ANTXR2: variants seen among roughly 807,000 people sequenced by gnomAD.
ANTXR2 encodes anthrax toxin receptor 2.
Under a neutral mutation model 73.7 loss-of-function variants are expected in ANTXR2, and 44 were observed. The observed-to-expected ratio is 0.60, with a 90% confidence interval of 0.47 to 0.77. The LOEUF is 0.77. Ranked by LOEUF, ANTXR2 falls within the 30% of genes least tolerant of loss-of-function variation. ANTXR2 has a pLI of 0.00. For synonymous variants in ANTXR2, 217 were observed against 205.9 expected (o/e 1.05, Z -0.46); for missense variants, 604 against 592.5 (o/e 1.02, Z -0.20).
intron 16 of ANTXR2, among the ~76,000 whole-genome samples, chr4:79,925,457 A>C (rs1259335914): frequency 6.6e-6 from 1 of 152,104 alleles, no homozygotes; most frequent in Non-Finnish European, 1.5e-5. Flanking sequence ...ATATTGGTTA[A>C]AATGCTAACA....
At chr4:79,918,421 A>G (rs1360244820) in intron 16 of ANTXR2, among the ~76,000 whole-genome samples, 1 of 152,060 alleles carries the variant, frequency 6.6e-6, no homozygotes, top group Non-Finnish European at 1.5e-5. Context: ...ACTTCTGAAA[A>G]CCAAGAATGT....
intron 12 of ANTXR2, among the ~76,000 whole-genome samples, chr4:80,002,559 C>T (rs1391956944): frequency 3.9e-4 from 59 of 151,922 alleles, no homozygotes; most frequent in Admixed American, 1.4e-3. Context: ...AATTGACAAA[C>T]GGGATCTAAT....
Position 79,904,982 on chromosome 4 carries a change from G to A in ANTXR2, c.*2447C>T, listed in dbSNP as rs1349524735. 6.6e-6 allele frequency: 1 copy of A among 151,954 alleles called. No homozygotes were observed. The highest frequency in any genetic ancestry group is 6.6e-5 in the Admixed American group (1 of 15,256). The allele number at this position is 151,954 out of a possible 1,614,324, so 9.4% of individuals were successfully genotyped here. On this transcript the variant is annotated 3_prime_UTR_variant, in exon 17 of 17. Coordinates refer to ENST00000403729, the MANE Select transcript of ANTXR2 (RefSeq NM_058172.6). ...TTGGAGAAAAGCATAAAACAGATCT[G>A]GTTCATATCTTTAAGGGCAATGAAA...
At chr4:79,978,726 G>T (rs191176265) in intron 14 of ANTXR2, among the ~76,000 whole-genome samples, 68 of 152,326 alleles carry the variant, frequency 4.5e-4, no homozygotes, top group African/African-American at 1.6e-3. Context: ...GCTAGTAAGT[G>T]ACAGGGCAGG....
intron 16 of ANTXR2, among the ~76,000 whole-genome samples, chr4:79,953,719 A>C (rs1728789093): frequency 6.6e-6 from 1 of 152,062 alleles, no homozygotes; most frequent in African/African-American, 2.4e-5. Flanking sequence ...TAAAGTATAT[A>C]ACTTTATAAT....
At chr4:80,025,613 T>C (rs1023843436) in intron 10 of ANTXR2, among the ~76,000 whole-genome samples, 6 of 152,206 alleles carry the variant, frequency 3.9e-5, no homozygotes, top group African/African-American at 1.2e-4. Flanking sequence ...AATCAAGTGA[T>C]ACTATTTAAT....
At chr4:79,988,204 T>G (rs1327966272) in intron 12 of ANTXR2, among the ~76,000 whole-genome samples, 1 of 130,910 alleles carries the variant, frequency 7.6e-6, no homozygotes, top group African/African-American at 3.0e-5. Flanking sequence ...TACACTATAT[T>G]CAAGAAATTC....
intron 16 of ANTXR2, among the ~76,000 whole-genome samples, chr4:79,922,863 A>C (rs1005441203): frequency 6.6e-6 from 1 of 152,128 alleles, no homozygotes; most frequent in African/African-American, 2.4e-5. Flanking sequence ...ATGGCTTTCT[A>C]AAACAAAAAG....
At chr4:79,908,797 T>A (rs369457882) in intron 16 of ANTXR2, among the ~76,000 whole-genome samples, 1 of 152,204 alleles carries the variant, frequency 6.6e-6, no homozygotes, top group African/African-American at 2.4e-5. Context: ...TACTCCAGAC[T>A]GTATTTTTGT....
chr4:80,032,164 C>T (rs978096519), intron 9 of ANTXR2, among the ~76,000 whole-genome samples: 12 of 151,690 alleles, frequency 7.9e-5, no homozygotes, highest in African/African-American at 2.7e-4. Flanking sequence ...GCCCTTGTAA[C>T]TTTAATAAAA....
intron 10 of ANTXR2, 149 bp downstream of exon 10, chr4:80,031,474 G>A: frequency 3.7e-6 from 2 of 535,178 alleles, no homozygotes; most frequent in Non-Finnish European, 6.2e-6. Context: ...TGCTTGCCTA[G>A]TACTAAGTTA....
chr4:79,952,530 C>G (rs896675846), intron 16 of ANTXR2, among the ~76,000 whole-genome samples: 2 of 151,746 alleles, frequency 1.3e-5, no homozygotes, highest in African/African-American at 4.8e-5. Context: ...TGTTTAAATG[C>G]TCATGTGTTA....
intron 11 of ANTXR2, among the ~76,000 whole-genome samples, chr4:80,009,024 T>C (rs1304675369): frequency 1.3e-5 from 2 of 152,176 alleles, no homozygotes; most frequent in Non-Finnish European, 2.9e-5. Flanking sequence ...ACACAATTTA[T>C]TGCATGTAGT....
chr4:79,952,533 A>G (rs1728745729), intron 16 of ANTXR2, among the ~76,000 whole-genome samples: 1 of 151,914 alleles, frequency 6.6e-6, no homozygotes, highest in African/African-American at 2.4e-5. Flanking sequence ...TTAAATGCTC[A>G]TGTGTTAAAT....
chr4:79,951,346 G>A (rs1003450158), intron 16 of ANTXR2, among the ~76,000 whole-genome samples: 1 of 152,098 alleles, frequency 6.6e-6, no homozygotes, highest in Non-Finnish European at 1.5e-5. Flanking sequence ...TTGGGAGGCT[G>A]AGGGAAGGGG....
intron 10 of ANTXR2, among the ~76,000 whole-genome samples, chr4:80,019,962 A>G (rs1292332261): frequency 1.3e-5 from 2 of 152,226 alleles, no homozygotes; most frequent in South Asian, 2.1e-4. Context: ...TATTATAAAA[A>G]TAACTAAAAC....
chr4:79,915,808 GTCTCTGTC>G (rs1200193727), intron 16 of ANTXR2, among the ~76,000 whole-genome samples: 1 of 95,994 alleles, frequency 1.0e-5, no homozygotes, highest in East Asian at 3.8e-4. Context: ...CTCTGTCTCT[GTCTCTGTC>G]TCTGTCTCTC....
chr4:79,951,091 A>G (rs1162325961), intron 16 of ANTXR2, among the ~76,000 whole-genome samples: 1 of 152,222 alleles, frequency 6.6e-6, no homozygotes, highest in Non-Finnish European at 1.5e-5. Flanking sequence ...TTGTAGGAAA[A>G]CAAAATAAAA....
intron 16 of ANTXR2, among the ~76,000 whole-genome samples, chr4:79,952,494 C>A (rs11934222): frequency 1.6e-4 from 25 of 151,700 alleles, no homozygotes; most frequent in Non-Finnish European, 3.2e-4. Flanking sequence ...AATATTTTCA[C>A]CAAAAATTTA....
Sources: allele counts gnomAD v4.1 joint callset (sites outside exome capture counted in the v4.1 genomes callset), GRCh38; gene constraint gnomAD v4.1.1; transcripts MANE v1.5; gene names NCBI Gene and HGNC (gene_info 2026-07-23, HGNC 2026-07-21).